The following GABRB3 variants were observed in gnomAD, a reference collection of about 807,000 sequenced individuals.
GABRB3 encodes the protein gamma-aminobutyric acid receptor subunit beta-3.
Under a neutral mutation model 52.1 loss-of-function variants are expected in GABRB3, and 14 were observed. The ratio of observed to expected loss-of-function variants is 0.27; its 90% CI spans 0.18 to 0.42. The LOEUF is 0.42. GABRB3 is among the 10% of genes least tolerant of loss of function. The pLI is 1.00. For missense variants in GABRB3, 307 were observed against 609.1 expected (o/e 0.50, Z 5.22); for synonymous variants, 260 against 232.3 (o/e 1.12, Z -1.08).
chr15:26,773,221 GC>G (rs1014213875), upstream of GABRB3: 206 of 175,896 alleles, frequency 1.2e-3, 2 homozygotes, highest in Non-Finnish European at 2.0e-3. Flanking sequence ...CGCGCACCCT[GC>G]CCTCCCCCAC....
intron 3 of GABRB3, among the ~76,000 whole-genome samples, chr15:26,721,408 T>A (rs1325050973): frequency 6.6e-6 from 1 of 151,972 alleles, no homozygotes; most frequent in African/African-American, 2.4e-5. Context: ...AGGCGCCCGC[T>A]GAAATCTGCA....
intron 3 of GABRB3, among the ~76,000 whole-genome samples, chr15:26,678,912 T>C (rs1888152389): frequency 6.6e-6 from 1 of 152,168 alleles, no homozygotes; most frequent in South Asian, 2.1e-4. Context: ...TGGGAACCCA[T>C]GATATGTTAG....
At chr15:26,644,759 C>A (rs1181401665) in intron 3 of GABRB3, among the ~76,000 whole-genome samples, 1 of 152,110 alleles carries the variant, frequency 6.6e-6, no homozygotes, top group African/African-American at 2.4e-5. Flanking sequence ...ATTTAAGCTG[C>A]CGAACAACAG....
At chr15:26,678,933 T>G (rs7494844) in intron 3 of GABRB3, among the ~76,000 whole-genome samples, 1 of 152,090 alleles carries the variant, frequency 6.6e-6, no homozygotes, top group Non-Finnish European at 1.5e-5. Context: ...TGTGAGTTTC[T>G]ATGAACCTCA....
At chr15:26,662,708 G>A (rs149154933) in intron 3 of GABRB3, among the ~76,000 whole-genome samples, 2 of 152,152 alleles carry the variant, frequency 1.3e-5, no homozygotes, top group Admixed American at 6.5e-5. Flanking sequence ...GTGCACAGGC[G>A]TACCTTTCAG....
intron 3 of GABRB3, among the ~76,000 whole-genome samples, chr15:26,764,149 CAAAAAAAAAAAAAAAAAA>C (rs1165542034): frequency 4.6e-3 from 83 of 18,104 alleles, no homozygotes; most frequent in African/African-American, 0.016. Flanking sequence ...GACTCGGTCT[CAAAAAAAAAAAAAAAAAA>C]AAAAAAAAAA....
intron 3 of GABRB3, among the ~76,000 whole-genome samples, chr15:26,730,169 G>A (rs1156931380): frequency 1.3e-5 from 2 of 152,150 alleles, no homozygotes; most frequent in Non-Finnish European, 2.9e-5. Flanking sequence ...TCCAAGTGGA[G>A]AAAATGTATC....
intron 4 of GABRB3, among the ~76,000 whole-genome samples, chr15:26,586,228 T>C (rs1252546450): frequency 6.6e-6 from 1 of 152,090 alleles, no homozygotes; most frequent in Non-Finnish European, 1.5e-5. Context: ...CTCGATCTCC[T>C]GACCCCGATC....
At chr15:26,657,185 T>C (rs1356776645) in intron 3 of GABRB3, 1 of 152,224 alleles carries the variant, frequency 6.6e-6, no homozygotes, top group African/African-American at 2.4e-5. Context: ...TCATTTGGGG[T>C]TGGCCCTTTG....
chr15:26,648,527 G>A (rs961585211), intron 3 of GABRB3, among the ~76,000 whole-genome samples: 15 of 152,126 alleles, frequency 9.9e-5, no homozygotes, highest in African/African-American at 3.1e-4. Flanking sequence ...TTATGATCCC[G>A]AAGAAAGGGG....
intron 4 of GABRB3, among the ~76,000 whole-genome samples, chr15:26,584,940 T>C (rs771834166): frequency 2.6e-5 from 4 of 152,062 alleles, no homozygotes; most frequent in Non-Finnish European, 5.9e-5. Context: ...CTCTCTTCCA[T>C]AGGAATGAAT....
At chr15:26,561,257 A>G in intron 7 of GABRB3, 81 bp from the exon 8 acceptor site, 1 of 1,591,204 alleles carries the variant, frequency 6.3e-7, no homozygotes, top group Non-Finnish European at 8.5e-7. Flanking sequence ...ATGTTTTCTC[A>G]AACAGCTTTA....
intron 3 of GABRB3, among the ~76,000 whole-genome samples, chr15:26,697,799 C>G (rs1234412712): frequency 6.6e-6 from 1 of 152,116 alleles, no homozygotes; most frequent in Non-Finnish European, 1.5e-5. Context: ...GAAAATTGGT[C>G]TTAAATACAA....
intron 3 of GABRB3, among the ~76,000 whole-genome samples, chr15:26,632,857 C>G (rs563340132): frequency 6.6e-6 from 1 of 152,310 alleles, no homozygotes; most frequent in East Asian, 1.9e-4. Context: ...CAATGCTTAA[C>G]ACAGTGCTGG....
At chr15:26,700,095 A>T (rs182922674) in intron 3 of GABRB3, among the ~76,000 whole-genome samples, 4 of 152,266 alleles carry the variant, frequency 2.6e-5, no homozygotes, top group Admixed American at 1.3e-4. Flanking sequence ...TACCAGACTG[A>T]TAAGGAAAAA....
rs1890740908 is a variant in GABRB3 at position 26,580,302 on chromosome 15, G to A, written c.682+17C>T. On this transcript the variant is annotated intron_variant, in intron 6 of 8. Coordinates refer to ENST00000311550, the MANE Select transcript of GABRB3 (RefSeq NM_000814.6). ...GCCAGTGCCCCTGAAGGGACTATAA[G>A]TGGATGCAGGACTCACCTGTGGCGA... 6.2e-7 allele frequency: 1 copy of A among 1,614,126 alleles called. No homozygotes were observed.
chr15:26,698,343 T>C (rs1482757066), intron 3 of GABRB3, among the ~76,000 whole-genome samples: 1 of 152,248 alleles, frequency 6.6e-6, no homozygotes, highest in African/African-American at 2.4e-5. Flanking sequence ...ATTTACTCTT[T>C]ATTACATATT....
intron 6 of GABRB3, among the ~76,000 whole-genome samples, chr15:26,572,622 G>C (rs755946395): frequency 9.2e-5 from 14 of 152,236 alleles, no homozygotes; most frequent in Non-Finnish European, 1.3e-4. Flanking sequence ...GAAATATGCG[G>C]TATCTATGTG....
chr15:26,590,163 C>T (rs1376466683), intron 4 of GABRB3: 1 of 151,616 alleles, frequency 6.6e-6, no homozygotes, highest in African/African-American at 2.4e-5. Flanking sequence ...AATCCAACAT[C>T]AGTGTGCGAG....
Sources: allele counts gnomAD v4.1 joint callset (sites outside exome capture counted in the v4.1 genomes callset), GRCh38; gene constraint gnomAD v4.1.1; transcripts MANE v1.5; gene names NCBI Gene and HGNC (gene_info 2026-07-23, HGNC 2026-07-21).